The following FLYWCH1 variants were observed in gnomAD, a reference collection of about 807,000 sequenced individuals.
FLYWCH1 encodes FLYWCH-type zinc finger-containing protein 1.
Under a neutral mutation model 66.4 loss-of-function variants are expected in FLYWCH1, and 75 were observed. The ratio of observed to expected loss-of-function variants is 1.13; its 90% confidence interval spans 0.94 to 1.37. FLYWCH1 has a LOEUF of 1.37. Among genes scored for constraint, FLYWCH1 ranks in the 40% most tolerant of loss-of-function variants. The pLI is 0.00. For missense variants in FLYWCH1, 1,334 were observed against 1,001.8 expected (o/e 1.33, Z -4.48); for synonymous variants, 595 against 429.9 (o/e 1.38, Z -4.75).
intron 2 of FLYWCH1, chr16:2,923,051 T>C (rs771412863): frequency 2.3e-6 from 1 of 427,518 alleles, no homozygotes; most frequent in Non-Finnish European, 4.5e-6. Flanking sequence ...TTTGTGTGTG[T>C]GTGGCTGTTG....
In FLYWCH1 at chr16:2,949,225, C is replaced by G. The variant is rs970980278; in HGVS notation, c.*498C>G. On this transcript the variant is annotated 3_prime_UTR_variant, in exon 10 of 10. Coordinates refer to ENST00000253928, the MANE Select transcript of FLYWCH1 (RefSeq NM_001308068.2). ...TCAACCCACACCAATCTCTTCTGGA[C>G]AGGTGCTGGGTAGGCCTTCCTGGTC... The G allele has an allele frequency of 6.4e-6, 1 of 157,116 alleles. No homozygotes were observed. The highest frequency in any genetic ancestry group is 2.4e-5 in the African/African-American group (1 of 41,504). The allele number at this position is 157,116 out of a possible 1,614,324, so 9.7% of individuals were successfully genotyped here. A position where few individuals can be genotyped will look rare whatever the true frequency, so the allele number is the denominator to read the frequency against.
In FLYWCH1 at chr16:2,933,521, C is replaced by G; in HGVS notation, c.1188C>G (p.Asp396Glu). Residue 396 changes from aspartate (D) to glutamate (E), a missense_variant, in exon 5 of 10, where the codon GAC becomes GAG. Transcript: ENST00000253928. ...PRPRKRAKVE[D>E]QELPTQPEAP... ...CCAGAAAGCGAGCAAAGGTCGAAGACCAGGAGCTGCCAACCCAGCCCGAGG... is the reference window on the plus strand; with the variant it reads ...CCAGAAAGCGAGCAAAGGTCGAAGAGCAGGAGCTGCCAACCCAGCCCGAGG... 1.2e-6 allele frequency: 2 copies of G among 1,611,424 alleles called. No homozygotes were observed. The highest frequency in any genetic ancestry group is 1.7e-6 in the Non-Finnish European group (2 of 1,178,916).
intron 1 of FLYWCH1, chr16:2,913,375 T>C (rs187790784): frequency 8.5e-5 from 13 of 152,278 alleles, no homozygotes; most frequent in African/African-American, 2.9e-4. Context: ...ACTTATATTA[T>C]GATGGAGGGT....
At chr16:2,921,034 G>A (rs549140893) in intron 2 of FLYWCH1, among the ~76,000 whole-genome samples, 3 of 151,138 alleles carry the variant, frequency 2.0e-5, no homozygotes, top group Non-Finnish European at 4.4e-5. Context: ...GTAGAGACGG[G>A]GTTTCACTGT....
At chr16:2,917,620 T>C (rs1944606824) in intron 2 of FLYWCH1, among the ~76,000 whole-genome samples, 1 of 152,292 alleles carries the variant, frequency 6.6e-6, no homozygotes, top group South Asian at 2.1e-4. Context: ...GGTATTTTAG[T>C]GCCCAGCACA....
At chr16:2,920,755 G>C (rs1470435999) in intron 2 of FLYWCH1, among the ~76,000 whole-genome samples, 2 of 151,178 alleles carry the variant, frequency 1.3e-5, no homozygotes, top group Non-Finnish European at 2.9e-5. Flanking sequence ...TGGTCGGGCT[G>C]GTCTCAAACT....
chr16:2,919,918 A>C (rs184185692), intron 2 of FLYWCH1, among the ~76,000 whole-genome samples: 3 of 152,076 alleles, frequency 2.0e-5, no homozygotes, highest in East Asian at 3.9e-4. Flanking sequence ...GTCCTGCCTT[A>C]TGTAATGGTC....
intron 9 of FLYWCH1, among the ~76,000 whole-genome samples, chr16:2,947,357 T>A (rs1051407763): frequency 2.0e-5 from 3 of 152,112 alleles, no homozygotes; most frequent in Non-Finnish European, 4.4e-5. Flanking sequence ...TTTCTTTTGG[T>A]GGGAGGTGAA....
intron 2 of FLYWCH1, among the ~76,000 whole-genome samples, chr16:2,925,783 G>T (rs1406849863): frequency 6.6e-6 from 1 of 152,130 alleles, no homozygotes; most frequent in Non-Finnish European, 1.5e-5. Flanking sequence ...CCTGGTACCT[G>T]TGATTTCCTG....
intron 9 of FLYWCH1, among the ~76,000 whole-genome samples, chr16:2,946,020 G>A (rs1453748442): frequency 6.6e-6 from 1 of 152,000 alleles, no homozygotes; most frequent in African/African-American, 2.4e-5. Flanking sequence ...ATAAAAGCTT[G>A]TAGAATGAGG....
At chr16:2,944,029 G>C (rs1205751600) in intron 9 of FLYWCH1, among the ~76,000 whole-genome samples, 1 of 152,066 alleles carries the variant, frequency 6.6e-6, no homozygotes, top group Non-Finnish European at 1.5e-5. Context: ...CTGGGAGGTT[G>C]AGGCTGCAGT....
At chr16:2,938,899 A>C (rs1001034503) in intron 8 of FLYWCH1, among the ~76,000 whole-genome samples, 2 of 143,972 alleles carry the variant, frequency 1.4e-5, no homozygotes, top group African/African-American at 5.2e-5. Flanking sequence ...GGCGTGAGTC[A>C]CTGTGCCCAA....
chr16:2,929,538 C>G, intron 2 of FLYWCH1, 75 bp from the exon 3 acceptor site: 1 of 1,077,048 alleles, frequency 9.3e-7, no homozygotes. Flanking sequence ...CCATCTGCCC[C>G]ACCTCCCTCC....
intron 2 of FLYWCH1, among the ~76,000 whole-genome samples, chr16:2,926,448 C>G (rs1403152768): frequency 6.6e-6 from 1 of 152,084 alleles, no homozygotes; most frequent in Non-Finnish European, 1.5e-5. Flanking sequence ...GACAGAATTC[C>G]AGAAAGGAAT....
intron 2 of FLYWCH1, among the ~76,000 whole-genome samples, chr16:2,926,519 T>G (rs1055403083): frequency 1.3e-5 from 2 of 152,228 alleles, no homozygotes; most frequent in Non-Finnish European, 2.9e-5. Context: ...TGCAAAATGT[T>G]GACTTAAACA....
chr16:2,913,643 G>A (rs189452075), intron 1 of FLYWCH1, among the ~76,000 whole-genome samples: 3 of 152,128 alleles, frequency 2.0e-5, no homozygotes, highest in Non-Finnish European at 2.9e-5. Context: ...AAATGCCAAC[G>A]GTGCTGAGAT....
intron 1 of FLYWCH1, among the ~76,000 whole-genome samples, chr16:2,913,818 A>G (rs2070071893): frequency 6.6e-6 from 1 of 152,082 alleles, no homozygotes; most frequent in African/African-American, 2.4e-5. Context: ...AGTTGCGGGT[A>G]GGTGGGAGGT....
rs1419711809 is a variant in FLYWCH1, at chr16:2,938,279, GAGA to G, written c.1876_1878del (p.Lys626del). 3.7e-6 allele frequency: 6 copies of G among 1,612,788 alleles called. No individual in the cohort carries two copies. Among genetic ancestry groups the G allele is most frequent in the Admixed American group, 1.7e-5 (1 of 59,860 alleles). On this transcript the variant is annotated inframe_deletion, in exon 8 of 10. Transcript: ENST00000253928. ...CTACAGGAAGGAGAAGGCGGCTGGG[GAGA>G]AGGTGTACTGGATGTGCCGGGACCA...
At chr16:2,916,190 C>G (rs1320927053) in intron 2 of FLYWCH1, among the ~76,000 whole-genome samples, 2 of 152,078 alleles carry the variant, frequency 1.3e-5, no homozygotes, top group Non-Finnish European at 2.9e-5. Context: ...CTACTAAAAA[C>G]AAAAGTTAGC....
Sources: allele counts gnomAD v4.1 joint callset (sites outside exome capture counted in the v4.1 genomes callset), GRCh38; gene constraint gnomAD v4.1.1; transcripts MANE v1.5; gene names NCBI Gene and HGNC (gene_info 2026-07-23, HGNC 2026-07-21).